RELCH: variants seen among roughly 807,000 people sequenced by gnomAD.
RELCH encodes the protein RAB11 binding and LisH domain, coiled-coil and HEAT repeat containing.
In RELCH, 41 loss-of-function variants were observed where a neutral mutation model predicts 150.3. The observed-to-expected ratio is 0.27, with a 90% confidence interval of 0.21 to 0.35. The LOEUF (loss-of-function observed/expected upper bound fraction) is 0.35. Ranked by LOEUF, RELCH falls within the 10% of genes least tolerant of loss-of-function variation. The pLI is 1.00. For missense variants in RELCH, 1,092 were observed against 1,467.8 expected, an observed-to-expected ratio of 0.74 and a Z score of 4.18; for synonymous variants, 478 against 531.8, an observed-to-expected ratio of 0.90 and a Z score of 1.39.
intron 1 of RELCH, among the ~76,000 whole-genome samples, chr18:62,194,338 C>G (rs1257682510): frequency 1.3e-5 from 2 of 152,084 alleles, no homozygotes; most frequent in African/African-American, 2.4e-5. Flanking sequence ...AATTTATGTT[C>G]TGTATGTCCT....
chr18:62,208,379 T>C lies in RELCH; in HGVS notation c.527-2774T>C, dbSNP rs151084810. ...AGCAAAAAAAAAAAAAAAAATTTAATTCTGATGAAATCTAGTTTATCAGTT... is the reference window on the plus strand; with the variant it reads ...AGCAAAAAAAAAAAAAAAAATTTAACTCTGATGAAATCTAGTTTATCAGTT... On this transcript the variant is annotated intron_variant, in intron 1 of 28. Coordinates refer to ENST00000644646, the MANE Select transcript of RELCH (RefSeq NM_001346231.2). Among the ~76,000 whole-genome samples, 38 of 152,208 alleles carry C rather than the reference T, an allele frequency of 2.5e-4. 1 individual carries two copies. In the East Asian group the frequency reaches 7.3e-3, roughly 29 times the overall value.
intron 16 of RELCH, among the ~76,000 whole-genome samples, chr18:62,262,890 G>GGCC (rs35447576): frequency 0.8 from 120,875 of 151,524 alleles, 48,548 homozygotes; most frequent in East Asian, 0.91. Flanking sequence ...TGGCAGGGTA[G>GGCC]TCTTAGGGAA....
At chr18:62,291,764 A>G (rs769749327) in intron 27 of RELCH, 133 bp downstream of exon 27, 259 of 608,528 alleles carry the variant, frequency 4.3e-4, no homozygotes, top group Admixed American at 1.0e-3. Flanking sequence ...TTATCGATTT[A>G]TTTACTAGAT....
chr18:62,268,961 T>C lies in RELCH; in HGVS notation c.2760+13T>C. On this transcript the variant is annotated intron_variant, in intron 20 of 28. Coordinates refer to ENST00000644646, the MANE Select transcript of RELCH (RefSeq NM_001346231.2). ...GTGTTATATTCAGGTAAGGGAAAAA[T>C]TCTTACTCTCTAGTAAAAGGCTTTC... is the stretch of plus-strand genomic sequence containing the variant. 7.1e-7 allele frequency: 1 copy of C among 1,413,784 alleles called. No individual in the cohort carries two copies. Among genetic ancestry groups the C allele is most frequent in the South Asian group, 1.4e-5 (1 of 70,446 alleles). 87.6% of individuals were successfully genotyped at this position (1,413,784 alleles called of 1,614,324 possible).
chr18:62,210,314 G>A (rs1167109828), intron 1 of RELCH, among the ~76,000 whole-genome samples: 1 of 152,106 alleles, frequency 6.6e-6, no homozygotes, highest in Non-Finnish European at 1.5e-5. Context: ...ATCAGTTGTG[G>A]ATTCCAATTC....
At chr18:62,236,759 C>G (rs190011013) in intron 10 of RELCH, among the ~76,000 whole-genome samples, 156 of 151,902 alleles carry the variant, frequency 1.0e-3, no homozygotes, top group Non-Finnish European at 1.3e-3. Context: ...TTTTCAAAAA[C>G]CAACTTTTGT....
At chr18:62,270,355 G>T (rs1023499741) in intron 20 of RELCH, among the ~76,000 whole-genome samples, 1 of 152,158 alleles carries the variant, frequency 6.6e-6, no homozygotes, top group Non-Finnish European at 1.5e-5. Context: ...GTGTGGTTCA[G>T]TGGTGGCCAC....
chr18:62,232,191 T>G, intron 9 of RELCH, 141 bp from the exon 10 acceptor site: 1 of 589,188 alleles, frequency 1.7e-6, no homozygotes, highest in South Asian at 2.1e-5. Context: ...TTGTTGTTGT[T>G]GTTGTTGTTG....
chr18:62,278,919 T>C (rs2044357976), intron 22 of RELCH, among the ~76,000 whole-genome samples: 1 of 152,192 alleles, frequency 6.6e-6, no homozygotes, highest in South Asian at 2.1e-4. Context: ...TGAAGTTTTT[T>C]AAATTAGATC....
chr18:62,240,990 T>A (rs1280744648), intron 10 of RELCH, among the ~76,000 whole-genome samples: 1 of 152,050 alleles, frequency 6.6e-6, no homozygotes, highest in African/African-American at 2.4e-5. Context: ...CCAGGACACA[T>A]AGCCCTCCTG....
intron 1 of RELCH, among the ~76,000 whole-genome samples, chr18:62,196,059 A>G (rs543798721): frequency 1.3e-5 from 2 of 152,054 alleles, no homozygotes; most frequent in African/African-American, 2.4e-5. Context: ...ATATCTAACT[A>G]TGCTCGGTGT....
chr18:62,225,411 G>C (rs896791253), intron 5 of RELCH, among the ~76,000 whole-genome samples: 1 of 151,700 alleles, frequency 6.6e-6, no homozygotes, highest in African/African-American at 2.4e-5. Context: ...AGACCGAGAG[G>C]GTGAAAATAT....
At chr18:62,287,904 A>G (rs1391659374) in intron 26 of RELCH, among the ~76,000 whole-genome samples, 1 of 152,158 alleles carries the variant, frequency 6.6e-6, no homozygotes, top group Non-Finnish European at 1.5e-5. Flanking sequence ...GATATCACAC[A>G]TTGGACAAGT....
intron 18 of RELCH, among the ~76,000 whole-genome samples, chr18:62,265,324 A>C (rs934448668): frequency 7.9e-5 from 12 of 152,060 alleles, no homozygotes; most frequent in African/African-American, 2.9e-4. Context: ...ACTGGAGATA[A>C]ATTCTACATG....
At chr18:62,255,995 A>G (rs747728228) in intron 13 of RELCH, among the ~76,000 whole-genome samples, 4 of 152,110 alleles carry the variant, frequency 2.6e-5, no homozygotes, top group Non-Finnish European at 5.9e-5. Context: ...TGAATCAGTA[A>G]AATTATTTAT....
chr18:62,271,469 T>C (rs2043898607), intron 20 of RELCH, among the ~76,000 whole-genome samples: 1 of 152,214 alleles, frequency 6.6e-6, no homozygotes. Context: ...TTGAGTTCTT[T>C]GTAGATTCTG....
chr18:62,278,695 G>A (rs2044345429), intron 22 of RELCH, among the ~76,000 whole-genome samples: 1 of 152,056 alleles, frequency 6.6e-6, no homozygotes, highest in African/African-American at 2.4e-5. Flanking sequence ...GAAGGGGATT[G>A]CCCTTCTCGG....
At chr18:62,280,330 A>T in intron 23 of RELCH, 1 of 1,601,460 alleles carries the variant, frequency 6.2e-7, no homozygotes, top group Non-Finnish European at 8.6e-7. Flanking sequence ...TTACCAAACC[A>T]TTTTTTATTG....
intron 2 of RELCH, among the ~76,000 whole-genome samples, chr18:62,218,321 A>G (rs2040613116): frequency 6.6e-6 from 1 of 151,966 alleles, no homozygotes; most frequent in Admixed American, 6.6e-5. Context: ...ATGAAAAAAT[A>G]CTTCTTCAGA....
Sources: allele counts gnomAD v4.1 joint callset (sites outside exome capture counted in the v4.1 genomes callset), GRCh38; gene constraint gnomAD v4.1.1; transcripts MANE v1.5; gene names NCBI Gene and HGNC (gene_info 2026-07-23, HGNC 2026-07-21).